The following CLTB variants were observed in gnomAD, a reference collection of about 807,000 sequenced individuals.
The protein encoded by CLTB is clathrin, light chain (Lcb).
CLTB carries 10 observed loss-of-function variants against 30.5 expected under a neutral mutation model. The ratio of observed to expected loss-of-function variants is 0.33; its 90% confidence interval spans 0.20 to 0.56. The LOEUF (loss-of-function observed/expected upper bound fraction) is 0.56, where lower values mean the gene tolerates loss of function less well. Ranked by LOEUF, CLTB falls within the 20% of genes least tolerant of loss-of-function variation. The pLI is 0.91. For synonymous variants in CLTB, 102 were observed against 120.3 expected (o/e 0.85, Z 1.00); for missense variants, 261 against 308.3 (o/e 0.85, Z 1.15).
At chr5:176,401,598 CCA>C (rs950258565) in intron 2 of CLTB, 4 of 392,860 alleles carry the variant, frequency 1.0e-5, no homozygotes, top group African/African-American at 8.3e-5. Flanking sequence ...AGGGTGACAT[CCA>C]CATGGCATCG....
chr5:176,392,913 T>G lies in CLTB; in HGVS notation c.551A>C (p.Lys184Thr). ...CCACTCTGTGCCTGGGGTCTCCTCC[T>G]TGGATTCCTTCACGAAAGCCTCCTC... ...ASEEAFVKES[K>T]EETPGTEWEK... Residue 184 changes from lysine to threonine, a missense_variant, in exon 6 of 6, where the codon AAG becomes ACG. This residue lies in a region of CLTB where 123 missense variants were observed against 157.0 expected (regional missense o/e 0.78). Transcript: ENST00000310418. The surrounding 1 kb of genome is among the most constrained non-coding windows in gnomAD (Gnocchi z 5.2). 1 of 1,614,162 alleles carries G rather than the reference T, an allele frequency of 6.2e-7. No individual in the cohort carries two copies. The highest frequency in any genetic ancestry group is 8.5e-7 in the Non-Finnish European group (1 of 1,180,008).
rs371945626 is a variant in CLTB at position 176,396,542 on chromosome 5, A to G, written c.465-10T>C. On this transcript the variant is annotated splice_polypyrimidine_tract_variant and intron_variant, in intron 4 of 5. Transcript: ENST00000310418. ...TGCTTTGTCAGCGATCCTTGAGGGAAAGGTTGAGGGAAGGGGTTAGGTGGG... is the reference window on the plus strand; with the variant it reads ...TGCTTTGTCAGCGATCCTTGAGGGAGAGGTTGAGGGAAGGGGTTAGGTGGG... The G allele has an allele frequency of 4.3e-5, 70 of 1,611,670 alleles. No homozygotes were observed. The East Asian group carries it at 7.1e-4, about 16-fold the overall frequency.
intron 2 of CLTB, among the ~76,000 whole-genome samples, chr5:176,405,146 T>C (rs1399166994): frequency 2.0e-5 from 3 of 152,110 alleles, no homozygotes; most frequent in Non-Finnish European, 4.4e-5. Flanking sequence ...AGCCCTCACC[T>C]TCCTGGGCTC....
intron 2 of CLTB, among the ~76,000 whole-genome samples, chr5:176,409,407 T>A (rs1410438859): frequency 2.5e-5 from 1 of 40,440 alleles, no homozygotes; most frequent in African/African-American, 1.3e-4. Context: ...CTGATTGCCC[T>A]TTTTTTTTTT....
chr5:176,396,107 C>T (rs1253488828), intron 5 of CLTB, among the ~76,000 whole-genome samples: 4 of 152,166 alleles, frequency 2.6e-5, no homozygotes, highest in Non-Finnish European at 4.4e-5. Context: ...TGCACTCCAT[C>T]CTGAGCAGCA....
intron 2 of CLTB, among the ~76,000 whole-genome samples, chr5:176,409,296 A>G (rs1249654050): frequency 2.2e-5 from 2 of 91,996 alleles, no homozygotes; most frequent in Non-Finnish European, 5.0e-5. Flanking sequence ...TAAAATTGAA[A>G]AAAAAAAAAA....
In CLTB at chr5:176,410,338, G is replaced by T. The variant is rs542419953; in HGVS notation, c.188-35C>A. The T allele has an allele frequency of 3.6e-5, 57 of 1,599,846 alleles. No homozygotes were observed. In the East Asian group the frequency reaches 1.1e-3, roughly 31 times the overall value. ...GAACAAGGAGATAGCATTACTCACT[G>T]TTTAGCTTATAGCAAGCAGGAAATG... On this transcript the variant is annotated intron_variant, in intron 1 of 5. Transcript: ENST00000310418.
chr5:176,411,489 G>C (rs1757424218), intron 1 of CLTB, among the ~76,000 whole-genome samples: 1 of 152,146 alleles, frequency 6.6e-6, no homozygotes. Context: ...CCTAATTAAA[G>C]GCCTCCCTGA....
At chr5:176,413,290 G>A (rs1581450377) in intron 1 of CLTB, among the ~76,000 whole-genome samples, 1 of 152,236 alleles carries the variant, frequency 6.6e-6, no homozygotes, top group Non-Finnish European at 1.5e-5. Flanking sequence ...AGGGCAGAGA[G>A]GGTCCAGAAC....
chr5:176,396,606 TAG>T (rs374264390), intron 4 of CLTB, 74 bp from the exon 5 acceptor site: 60,116 of 761,092 alleles, frequency 0.079, 9 homozygotes, highest in South Asian at 0.15. Flanking sequence ...GGCAGAAGGT[TAG>T]AGAGAGAGAG....
Position 176,416,388 on chromosome 5 carries a change from T to G in CLTB, c.-25A>C, listed in dbSNP as rs538700112. ...TTTTCCCCGCGCCTCCGCCGGAGCC[T>G]CCGCTGCGCTCGGCTCTGCCCGCGC... is the stretch of plus-strand genomic sequence containing the variant. On this transcript the variant is annotated 5_prime_UTR_variant, in exon 1 of 6. Transcript: ENST00000310418. 11 of 1,577,786 alleles carry G rather than the reference T, an allele frequency of 7.0e-6. No homozygotes were observed. Among genetic ancestry groups the G allele is most frequent in the Non-Finnish European group, 8.6e-6 (10 of 1,165,138 alleles).
At chr5:176,403,791 G>A (rs533878630) in intron 2 of CLTB, among the ~76,000 whole-genome samples, 2 of 151,492 alleles carry the variant, frequency 1.3e-5, no homozygotes, top group South Asian at 2.1e-4. Context: ...ACAGAGTCTC[G>A]CTCTGTTGTC....
intron 2 of CLTB, among the ~76,000 whole-genome samples, chr5:176,403,615 G>C (rs1756952541): frequency 6.6e-6 from 1 of 151,736 alleles, no homozygotes; most frequent in Admixed American, 6.6e-5. Context: ...GACCACGCCT[G>C]GTTAATTTTT....
At chr5:176,406,843 G>A (rs1757147767) in intron 2 of CLTB, 4 of 587,808 alleles carry the variant, frequency 6.8e-6, no homozygotes, top group Admixed American at 4.5e-5. Flanking sequence ...CTAAAGAGCT[G>A]GGGCTTTCCA....
intron 1 of CLTB, 129 bp downstream of exon 1, chr5:176,416,048 C>T (rs909611887): frequency 3.6e-6 from 3 of 835,364 alleles, no homozygotes; most frequent in African/African-American, 1.8e-5. Context: ...CAAGAAGATT[C>T]TTCCCCACGT....
At chr5:176,407,709 CT>C (rs982994498) in intron 2 of CLTB, 3 of 152,214 alleles carry the variant, frequency 2.0e-5, no homozygotes, top group Admixed American at 6.5e-5. Flanking sequence ...GCCAGAGAGC[CT>C]GGGCAGCCTA....
At chr5:176,411,095 C>T (rs1449633730) in intron 1 of CLTB, among the ~76,000 whole-genome samples, 1 of 152,242 alleles carries the variant, frequency 6.6e-6, no homozygotes, top group African/African-American at 2.4e-5. Context: ...GTCTCTTTCT[C>T]TTCTCCTGTG....
Position 176,399,107 on chromosome 5 carries a change from G to C in CLTB, c.235-1060C>G, listed in dbSNP as rs906116243. On this transcript the variant is annotated intron_variant, in intron 2 of 5. Coordinates refer to ENST00000310418, the MANE Select transcript of CLTB (RefSeq NM_007097.5). ...GATCCACCGGCCTCGGCCTCCCCAA[G>C]TGCTGGGATTACAGGCTTGAGCCAC... Among the ~76,000 whole-genome samples the C allele has an allele frequency of 2.2e-4, 33 of 152,100 alleles. 1 individual carries two copies. The highest frequency in any genetic ancestry group is 7.2e-5 in the African/African-American group (3 of 41,422).
intron 1 of CLTB, 115 bp from the exon 2 acceptor site, chr5:176,410,418 C>T (rs1757365559): frequency 1.3e-6 from 1 of 751,552 alleles, no homozygotes; most frequent in Admixed American, 2.4e-5. Flanking sequence ...ATATATCGAC[C>T]CACATGCAAA....
Sources: allele counts gnomAD v4.1 joint callset (sites outside exome capture counted in the v4.1 genomes callset), GRCh38; gene constraint gnomAD v4.1.1; regional missense constraint gnomAD v4.1.1; non-coding constraint Gnocchi (gnomAD v3.1); transcripts MANE v1.5; gene names NCBI Gene and HGNC (gene_info 2026-07-23, HGNC 2026-07-21).